ASS1: variants seen among roughly 807,000 people sequenced by gnomAD.
ASS1 encodes argininosuccinate synthase 1.
A neutral mutation model predicts 60.5 loss-of-function variants in ASS1; 58 were observed. That is an observed-to-expected ratio of 0.96 (90% CI 0.78 to 1.19). The LOEUF (loss-of-function observed/expected upper bound fraction) is 1.19, where lower values mean the gene tolerates loss of function less well. Ranked by LOEUF, ASS1 falls within the 50% of genes most tolerant of loss-of-function variation. ASS1 has a pLI of 0.00. For synonymous variants in ASS1, 200 were observed against 206.9 expected (o/e 0.97, Z 0.29); for missense variants, 454 against 547.3 (o/e 0.83, Z 1.70).
At chr9:130,481,631 C>T (rs1846179315) in intron 11 of ASS1, among the ~76,000 whole-genome samples, 1 of 152,230 alleles carries the variant, frequency 6.6e-6, no homozygotes, top group Non-Finnish European at 1.5e-5. Context: ...TCATCTATCG[C>T]TAGGCCTCAG....
At chr9:130,492,312 G>A (rs931519682) in intron 12 of ASS1, among the ~76,000 whole-genome samples, 4 of 152,138 alleles carry the variant, frequency 2.6e-5, no homozygotes, top group Non-Finnish European at 5.9e-5. Context: ...TCCCAGTCCC[G>A]TCTAGCTCCT....
intron 3 of ASS1, among the ~76,000 whole-genome samples, chr9:130,456,274 T>A (rs1383906615): frequency 6.6e-6 from 1 of 152,166 alleles, no homozygotes; most frequent in Non-Finnish European, 1.5e-5. Flanking sequence ...AAGACCAGCC[T>A]GGCCAACATG....
chr9:130,456,510 C>T (rs2131872031), intron 3 of ASS1, among the ~76,000 whole-genome samples: 1 of 152,258 alleles, frequency 6.6e-6, no homozygotes, highest in Middle Eastern at 3.4e-3. Flanking sequence ...ACACATTTAT[C>T]CTAATGTTTT....
chr9:130,449,442 C>G (rs780874132), intron 1 of ASS1, among the ~76,000 whole-genome samples: 89 of 151,998 alleles, frequency 5.9e-4, no homozygotes, highest in South Asian at 1.0e-3. Flanking sequence ...GTGGAGCTGC[C>G]CCTCCGTGTT....
chr9:130,489,340 C>A lies in ASS1; in HGVS notation c.846C>A (p.Tyr282Ter), dbSNP rs549085827. The A allele has an allele frequency of 4.3e-6, 7 of 1,613,420 alleles. No homozygotes were observed. The African/African-American group carries it at 8.0e-5, about 19-fold the overall frequency. The change falls in exon 12 of 15, where the codon TAC becomes TAA. Residue 282 changes from tyrosine to a stop codon, truncating the protein, a stop_gained. Coordinates refer to ENST00000352480, the MANE Select transcript of ASS1 (RefSeq NM_054012.4). LOFTEE classifies it high-confidence loss of function. This position sits in a 1 kb window ranked among gnomAD's most constrained non-coding sequence, Gnocchi z 4.1. ...RFIGMKSRGI[Y>*]ETPAGTILYH... Reference sequence around the variant, plus strand: ...GCCTGGAAAAATGGCTAGGTATCTACGAGACCCCAGCAGGCACCATCCTTT... The same window carrying A: ...GCCTGGAAAAATGGCTAGGTATCTAAGAGACCCCAGCAGGCACCATCCTTT...
intron 6 of ASS1, among the ~76,000 whole-genome samples, chr9:130,467,071 T>C (rs542535568): frequency 3.9e-5 from 6 of 152,182 alleles, no homozygotes; most frequent in Non-Finnish European, 7.4e-5. Context: ...GGGCTCACTC[T>C]CTCTCCTGCT....
chr9:130,453,081 ACTTGGCTTCATT>A (rs1845361634), intron 2 of ASS1, among the ~76,000 whole-genome samples: 1 of 152,178 alleles, frequency 6.6e-6, no homozygotes, highest in Non-Finnish European at 1.5e-5. Flanking sequence ...CTCCAACTCT[ACTTGGCTTCATT>A]CTTGGCCTCT....
At chr9:130,495,777 T>C (rs1308497059) in intron 13 of ASS1, among the ~76,000 whole-genome samples, 1 of 151,910 alleles carries the variant, frequency 6.6e-6, no homozygotes, top group Non-Finnish European at 1.5e-5. Context: ...CTGGACTAGA[T>C]AGCAGCAGGC....
rs1428635262 is a variant in ASS1 at position 130,476,801 on chromosome 9, G to A, written c.598-70G>A. ...ACAGAGGAGAGGGGTGCAGATCCCCGCGGGAGGTGGGCTGTAGGGTGTCCA... is the reference window on the plus strand; with the variant it reads ...ACAGAGGAGAGGGGTGCAGATCCCCACGGGAGGTGGGCTGTAGGGTGTCCA... On this transcript the variant is annotated intron_variant, in intron 8 of 14. Coordinates refer to ENST00000352480, the MANE Select transcript of ASS1 (RefSeq NM_054012.4). The surrounding 1 kb of genome is among the most constrained non-coding windows in gnomAD (Gnocchi z 4.9). 31 of 1,418,280 alleles carry A rather than the reference G, an allele frequency of 2.2e-5. No homozygotes were observed. The highest frequency in any genetic ancestry group is 2.0e-4 in the East Asian group (9 of 43,988). The allele number at this position is 1,418,280 out of a possible 1,614,324, so 87.9% of individuals were successfully genotyped here.
At chr9:130,461,261 G>A (rs1455809366) in intron 4 of ASS1, among the ~76,000 whole-genome samples, 2 of 152,160 alleles carry the variant, frequency 1.3e-5, no homozygotes, top group East Asian at 1.9e-4. Context: ...CCGGGTCCAT[G>A]CGGAGACCCC....
chr9:130,489,195 G>A lies in ASS1; in HGVS notation c.839-138G>A. ...ATGCATTTTGCAGCAAGCTGGGAGT[G>A]AATGGGTCCGGCCGGCTTGTCTCCT... On this transcript the variant is annotated intron_variant, in intron 11 of 14. Transcript: ENST00000352480. This position sits in a 1 kb window ranked among gnomAD's most constrained non-coding sequence, Gnocchi z 4.1. The A allele has an allele frequency of 8.3e-7, 1 of 1,207,568 alleles. No individual in the cohort carries two copies. Among genetic ancestry groups the A allele is most frequent in the Non-Finnish European group, 1.2e-6 (1 of 856,398 alleles). The allele number at this position is 1,207,568 out of a possible 1,614,324, so 74.8% of individuals were successfully genotyped here. A position where few individuals can be genotyped will look rare whatever the true frequency, so the allele number is the denominator to read the frequency against.
chr9:130,490,534 G>A (rs577893902), intron 12 of ASS1, among the ~76,000 whole-genome samples: 9 of 152,088 alleles, frequency 5.9e-5, no homozygotes, highest in Admixed American at 6.5e-5. Context: ...GGCTGGTCTC[G>A]AACTCCTGAT....
rs1187014902 is a variant in ASS1, at chr9:130,480,455, T to A, written c.838+6T>A. 1 of 1,613,678 alleles carries A rather than the reference T, an allele frequency of 6.2e-7. No individual in the cohort carries two copies. Among genetic ancestry groups the A allele is most frequent in the African/African-American group, 1.3e-5 (1 of 74,886 alleles). On this transcript the variant is annotated splice_donor_region_variant and intron_variant, in intron 11 of 14. Transcript: ENST00000352480. ...CATTGGAATGAAGTCCCGAGGTGAG[T>A]CTGCTCAGCCTCCCTCAGGGCCTGC...
At chr9:130,496,461 T>C (rs192585878) in intron 13 of ASS1, among the ~76,000 whole-genome samples, 9 of 151,582 alleles carry the variant, frequency 5.9e-5, no homozygotes, top group Non-Finnish European at 1.0e-4. Context: ...TGTGGTGGCA[T>C]GCACCTGTAG....
intron 2 of ASS1, among the ~76,000 whole-genome samples, chr9:130,453,065 A>C (rs984498548): frequency 2.6e-5 from 4 of 152,188 alleles, no homozygotes; most frequent in Admixed American, 1.3e-4. Flanking sequence ...TGCTTCTAAG[A>C]TCTATCTCCA....
chr9:130,493,089 G>A, intron 12 of ASS1, among the ~76,000 whole-genome samples: 1 of 152,122 alleles, frequency 6.6e-6, no homozygotes, highest in Middle Eastern at 3.2e-3. Context: ...GCCAAGCCCA[G>A]GACACCAGGG....
intron 10 of ASS1, 73 bp downstream of exon 10, chr9:130,479,873 G>A: frequency 6.7e-7 from 1 of 1,482,866 alleles, no homozygotes; most frequent in South Asian, 1.1e-5. Flanking sequence ...GACCGTTGCA[G>A]CTAATGGTTG....
chr9:130,485,889 T>C (rs1440784143), intron 11 of ASS1, among the ~76,000 whole-genome samples: 2 of 152,226 alleles, frequency 1.3e-5, no homozygotes, highest in Non-Finnish European at 2.9e-5. Context: ...AGAGATTTCC[T>C]GTTTCTGCAC....
chr9:130,497,537 C>T (rs569422330), intron 13 of ASS1, among the ~76,000 whole-genome samples: 6 of 152,158 alleles, frequency 3.9e-5, no homozygotes, highest in South Asian at 4.1e-4. Context: ...TCCACCTCCC[C>T]GCTCACTTCA....
Sources: gnomAD v4.1 joint callset for allele counts (sites outside exome capture counted in the v4.1 genomes callset) on GRCh38, gnomAD v4.1.1 for gene constraint, Gnocchi (gnomAD v3.1) non-coding constraint, MANE v1.5 for transcripts, NCBI Gene and HGNC (gene_info 2026-07-23, HGNC 2026-07-21) for gene names.